MTMR7: variants seen among roughly 807,000 people sequenced by gnomAD.
MTMR7 encodes the protein myotubularin related protein 7.
A neutral mutation model predicts 81.2 loss-of-function variants in MTMR7; 76 were observed. The observed-to-expected ratio is 0.94, with a 90% CI of 0.78 to 1.13. The LOEUF (loss-of-function observed/expected upper bound fraction) is 1.13. Among genes scored for constraint, MTMR7 ranks in the 50% most tolerant of loss-of-function variants. The pLI is 0.00. For missense variants in MTMR7, 1,044 were observed against 820.0 expected (o/e 1.27, Z -3.34); for synonymous variants, 372 against 289.8 (o/e 1.28, Z -2.88).
At chr8:17,305,736 C>T (rs753869595) in intron 11 of MTMR7, 21 bp downstream of exon 11, 14 of 1,579,976 alleles carry the variant, frequency 8.9e-6, no homozygotes, top group African/African-American at 2.7e-5. Flanking sequence ...AGTTAAACAC[C>T]AAAAACACCA....
chr8:17,396,382 TG>T (rs1451951674), intron 1 of MTMR7, among the ~76,000 whole-genome samples: 1 of 152,204 alleles, frequency 6.6e-6, no homozygotes, highest in East Asian at 1.9e-4. Flanking sequence ...CCCCTGGTAG[TG>T]ACTAAGTTCA....
At chr8:17,322,342 A>G (rs998987375) in intron 7 of MTMR7, among the ~76,000 whole-genome samples, 1 of 152,208 alleles carries the variant, frequency 6.6e-6, no homozygotes, top group African/African-American at 2.4e-5. Flanking sequence ...CTATTTACCA[A>G]TGGCCTAAAG....
At chr8:17,367,868 GTT>G (rs113430159) in intron 3 of MTMR7, among the ~76,000 whole-genome samples, 10 of 129,140 alleles carry the variant, frequency 7.7e-5, no homozygotes, top group Admixed American at 2.3e-4. Flanking sequence ...AAGGTTTGGG[GTT>G]TTTTTTTTTT....
At chr8:17,327,903 C>T (rs796605057) in intron 7 of MTMR7, among the ~76,000 whole-genome samples, 3 of 152,286 alleles carry the variant, frequency 2.0e-5, no homozygotes, top group African/African-American at 7.2e-5. Context: ...TTCATCTATA[C>T]AGTACAGATA....
In MTMR7 at chr8:17,394,490, C is replaced by G. The variant is rs1248224487; in HGVS notation, c.24+18779G>C. Among the ~76,000 whole-genome samples the G allele has an allele frequency of 2.2e-4, 33 of 151,890 alleles. 1 individual carries two copies. Among genetic ancestry groups the G allele is most frequent in the Admixed American group, 2.2e-3 (33 of 15,246 alleles). On this transcript the variant is annotated intron_variant, in intron 1 of 13. Transcript: ENST00000180173. ...GTATGATTCCATTTATATAAAATGT[C>G]CTGGATAGGCAAATCTCTAGAGATT...
In MTMR7 at chr8:17,302,407, A is replaced by G. The variant is rs570215073; in HGVS notation, c.1494-127T>C. On this transcript the variant is annotated intron_variant, in intron 12 of 13. Coordinates refer to ENST00000180173, the MANE Select transcript of MTMR7 (RefSeq NM_004686.5). The stretch of plus-strand genomic sequence containing the variant: ...AACCAAATGCAAATTTCAGCCTCAA[A>G]AAAGCCACTACTTAAGGTAATAATT... The G allele has an allele frequency of 7.9e-6, 8 of 1,011,446 alleles. No individual in the cohort carries two copies. The South Asian group carries it at 1.0e-4, about 13-fold the overall frequency. The allele number at this position is 1,011,446 out of a possible 1,614,324, so 62.7% of individuals were successfully genotyped here. A position where few individuals can be genotyped will look rare whatever the true frequency, so the allele number is the denominator to read the frequency against.
At chr8:17,396,722 T>C (rs1821264229) in intron 1 of MTMR7, among the ~76,000 whole-genome samples, 1 of 151,954 alleles carries the variant, frequency 6.6e-6, no homozygotes, top group Non-Finnish European at 1.5e-5. Flanking sequence ...TGGGGTAGCG[T>C]GTGGCCTAGG....
chr8:17,373,441 G>T (rs890564891), intron 1 of MTMR7, among the ~76,000 whole-genome samples: 1 of 152,162 alleles, frequency 6.6e-6, no homozygotes, highest in African/African-American at 2.4e-5. Context: ...ACATTCACCA[G>T]TTACGAAAAT....
chr8:17,334,918 G>T (rs1819181641), intron 6 of MTMR7, among the ~76,000 whole-genome samples: 1 of 152,154 alleles, frequency 6.6e-6, no homozygotes. Flanking sequence ...AGAGGGGAGG[G>T]CATTCTACAT....
chr8:17,406,692 C>A (rs1057335079), intron 1 of MTMR7, among the ~76,000 whole-genome samples: 2 of 152,254 alleles, frequency 1.3e-5, no homozygotes, highest in Middle Eastern at 3.4e-3. Flanking sequence ...AAACTTATCA[C>A]CGAAGTTTAT....
Position 17,321,205 on chromosome 8 carries a change from C to A in MTMR7, c.866-7804G>T, listed in dbSNP as rs560875782. ...GACTGCAAGTTTAAAAATAAAGACA[C>A]TGGGCTTGCCAGCTAACCTGGAAAT... is the stretch of plus-strand genomic sequence containing the variant. On this transcript the variant is annotated intron_variant, in intron 7 of 13. Coordinates refer to ENST00000180173, the MANE Select transcript of MTMR7 (RefSeq NM_004686.5). Among the ~76,000 whole-genome samples the A allele has an allele frequency of 9.1e-4, 139 of 152,338 alleles. 1 individual carries two copies. Among genetic ancestry groups the A allele is most frequent in the African/African-American group, 3.1e-3 (129 of 41,578 alleles).
rs1816689373 is a variant in MTMR7 at position 17,296,887 on chromosome 8, G to C, written c.*2975C>G. The C allele has an allele frequency of 2.0e-5, 3 of 152,122 alleles. No individual in the cohort carries two copies. Among genetic ancestry groups the C allele is most frequent in the African/African-American group, 7.2e-5 (3 of 41,428 alleles). 9.4% of individuals were successfully genotyped at this position (152,122 alleles called of 1,614,324 possible). A position where few individuals can be genotyped will look rare whatever the true frequency, so the allele number is the denominator to read the frequency against. ...GATAACCTTGTTACAACCCAGTCAT[G>C]AAACAGAGCAGTGTGATCAGTTATC... On this transcript the variant is annotated 3_prime_UTR_variant, in exon 14 of 14. Transcript: ENST00000180173.
At chr8:17,328,207 T>C (rs1818792066) in intron 7 of MTMR7, among the ~76,000 whole-genome samples, 1 of 148,388 alleles carries the variant, frequency 6.7e-6, no homozygotes, top group Non-Finnish European at 1.5e-5. Flanking sequence ...TATCAGTGCC[T>C]GCTGACCTTC....
At chr8:17,328,943 G>C (rs1193559217) in intron 7 of MTMR7, among the ~76,000 whole-genome samples, 1 of 151,782 alleles carries the variant, frequency 6.6e-6, no homozygotes, top group African/African-American at 2.4e-5. Flanking sequence ...TCTCTATAGA[G>C]GACCTACACA....
chr8:17,349,312 T>G (rs1819656362), intron 4 of MTMR7: 1 of 412,858 alleles, frequency 2.4e-6, no homozygotes, highest in South Asian at 4.4e-5. Flanking sequence ...TCTGTCCCCG[T>G]GCACTGTCCC....
chr8:17,382,440 G>A (rs1481291725), intron 1 of MTMR7, among the ~76,000 whole-genome samples: 2 of 152,146 alleles, frequency 1.3e-5, no homozygotes, highest in Non-Finnish European at 2.9e-5. Context: ...AACATTTCCT[G>A]AGTTATTTCT....
intron 1 of MTMR7, among the ~76,000 whole-genome samples, chr8:17,373,938 T>C (rs1226864109): frequency 2.0e-5 from 3 of 152,112 alleles, no homozygotes; most frequent in South Asian, 2.1e-4. Context: ...CATCCTAACA[T>C]GAAATGTAAT....
chr8:17,377,079 A>T (rs1330670714), intron 1 of MTMR7, among the ~76,000 whole-genome samples: 1 of 151,918 alleles, frequency 6.6e-6, no homozygotes, highest in Non-Finnish European at 1.5e-5. Flanking sequence ...CTATACTTTT[A>T]AGAGAGAACC....
At chr8:17,395,360 A>T (rs1185784580) in intron 1 of MTMR7, among the ~76,000 whole-genome samples, 1 of 152,176 alleles carries the variant, frequency 6.6e-6, no homozygotes, top group Non-Finnish European at 1.5e-5. Context: ...GGCTATTGTG[A>T]ATAATGCAGC....
Sources: gnomAD v4.1 joint callset for allele counts (sites outside exome capture counted in the v4.1 genomes callset) on GRCh38, gnomAD v4.1.1 for gene constraint, MANE v1.5 for transcripts, NCBI Gene and HGNC (gene_info 2026-07-23, HGNC 2026-07-21) for gene names.